ZNF385D: variants seen among roughly 807,000 people sequenced by gnomAD.
ZNF385D encodes the protein zinc finger protein 385D.
A neutral mutation model predicts 35.8 loss-of-function variants in ZNF385D; 15 were observed. The observed-to-expected ratio is 0.42, with a 90% CI of 0.28 to 0.64. The LOEUF is 0.64. ZNF385D is among the 30% of genes least tolerant of loss of function. ZNF385D has a pLI of 0.23. For synonymous variants in ZNF385D, 212 were observed against 186.8 expected (o/e 1.13, Z -1.10); for missense variants, 474 against 494.6 (o/e 0.96, Z 0.39).
intron 2 of ZNF385D, among the ~76,000 whole-genome samples, chr3:22,179,988 G>C (rs1325489524): frequency 6.6e-6 from 1 of 152,114 alleles, no homozygotes; most frequent in African/African-American, 2.4e-5. Flanking sequence ...AAAAATCAAT[G>C]AATCCAGGAG....
At chr3:21,438,077 C>T (rs534626599) in intron 4 of ZNF385D, among the ~76,000 whole-genome samples, 64 of 152,134 alleles carry the variant, frequency 4.2e-4, no homozygotes, top group Non-Finnish European at 7.5e-4. Flanking sequence ...AGATCAATCT[C>T]CAAAGTAAAA....
intron 2 of ZNF385D, among the ~76,000 whole-genome samples, chr3:22,228,199 G>T (rs542072002): frequency 1.3e-5 from 2 of 152,322 alleles, no homozygotes; most frequent in South Asian, 4.1e-4. Context: ...AACAGTCTGT[G>T]AGAGCTACTA....
At chr3:22,157,552 T>C (rs73047094) in intron 3 of ZNF385D, among the ~76,000 whole-genome samples, 24,665 of 152,106 alleles carry the variant, frequency 0.16, 2,581 homozygotes, top group Middle Eastern at 0.25. Context: ...TTATTAAGTA[T>C]TTGTTAAGGA....
chr3:22,329,310 A>C (rs1207473194), intron 2 of ZNF385D, among the ~76,000 whole-genome samples: 4 of 152,002 alleles, frequency 2.6e-5, no homozygotes, highest in African/African-American at 9.7e-5. Context: ...CAATATTTTT[A>C]GGTATATATT....
intron 3 of ZNF385D, among the ~76,000 whole-genome samples, chr3:21,832,315 C>T (rs1156505486): frequency 4.6e-5 from 7 of 152,046 alleles, no homozygotes; most frequent in Admixed American, 2.0e-4. Context: ...TGTCATCTGC[C>T]CGTTAAGTAT....
chr3:22,348,934 G>A (rs1695790422), intron 2 of ZNF385D, among the ~76,000 whole-genome samples: 1 of 152,180 alleles, frequency 6.6e-6, no homozygotes, highest in Admixed American at 6.5e-5. Context: ...GCCATTAAAT[G>A]GCATAATTAC....
intron 2 of ZNF385D, among the ~76,000 whole-genome samples, chr3:22,351,756 G>T (rs767554586): frequency 6.6e-6 from 1 of 152,106 alleles, no homozygotes; most frequent in African/African-American, 2.4e-5. Flanking sequence ...TCAAGTAATA[G>T]TACTATCATG....
At chr3:21,975,818 T>TAA (rs144901080) in intron 3 of ZNF385D, among the ~76,000 whole-genome samples, 1 of 141,240 alleles carries the variant, frequency 7.1e-6, no homozygotes, top group African/African-American at 2.6e-5. Flanking sequence ...CCCATGAAAA[T>TAA]AAAAAAAAAA....
chr3:21,910,574 A>G (rs1435901239), intron 3 of ZNF385D, among the ~76,000 whole-genome samples: 1 of 151,980 alleles, frequency 6.6e-6, no homozygotes, highest in Admixed American at 6.6e-5. Flanking sequence ...AAAGCCTTTG[A>G]AAGTTTAACG....
In ZNF385D at chr3:21,870,216, G is replaced by T. The variant is rs565121246; in HGVS notation, c.326-205188C>A. Among the ~76,000 whole-genome samples the T allele has an allele frequency of 6.4e-4, 98 of 152,246 alleles. 1 individual carries two copies. Among genetic ancestry groups the T allele is most frequent in the African/African-American group, 2.3e-3 (95 of 41,566 alleles). ...TGACCAATATCATAATTGTCAACAA[G>T]CATGGCTTGACTGTTTTAACCTGTT... On this transcript the variant is annotated intron_variant, in intron 3 of 5. Transcript: ENST00000494108.
intron 3 of ZNF385D, among the ~76,000 whole-genome samples, chr3:21,954,182 T>A (rs2336517): frequency 0.085 from 12,927 of 151,656 alleles, 1,790 homozygotes; most frequent in African/African-American, 0.29. Context: ...TGTTAATAAT[T>A]CTCTCTGTAC....
At chr3:21,704,028 C>T (rs1472447545) in intron 1 of ZNF385D, among the ~76,000 whole-genome samples, 1 of 152,204 alleles carries the variant, frequency 6.6e-6, no homozygotes, top group Non-Finnish European at 1.5e-5. Flanking sequence ...CCAACCACAA[C>T]CACTGAAAAG....
At chr3:21,693,872 CTTTTTTTTTCTTT>C in intron 1 of ZNF385D, among the ~76,000 whole-genome samples, 1 of 142,508 alleles carries the variant, frequency 7.0e-6, no homozygotes, top group African/African-American at 2.6e-5. Flanking sequence ...TTTAGAAAAT[CTTTTTTTTTCTTT>C]TTTTTTTTTT....
At chr3:21,701,301 AAAATGAG>A (rs1433504031) in intron 1 of ZNF385D, among the ~76,000 whole-genome samples, 6 of 276 alleles carry the variant, frequency 0.022, no homozygotes, top group African/African-American at 0.07. Flanking sequence ...TGGCAAGAGA[AAAATGAG>A]AAAATGAGGA....
chr3:21,908,157 T>TCTATCTACCTAC (rs1553696864), intron 3 of ZNF385D, among the ~76,000 whole-genome samples: 2 of 150,166 alleles, frequency 1.3e-5, no homozygotes, highest in Non-Finnish European at 3.0e-5. Context: ...TATCTATCTA[T>TCTATCTACCTAC]CTATCTATCT....
At chr3:21,622,434 G>A (rs1224252658) in intron 2 of ZNF385D, among the ~76,000 whole-genome samples, 4 of 152,060 alleles carry the variant, frequency 2.6e-5, no homozygotes, top group Non-Finnish European at 5.9e-5. Flanking sequence ...TCAAGTGATG[G>A]AATAAATTAA....
chr3:22,023,996 T>C (rs1359571521), intron 3 of ZNF385D, among the ~76,000 whole-genome samples: 1 of 152,158 alleles, frequency 6.6e-6, no homozygotes, highest in Non-Finnish European at 1.5e-5. Context: ...GGTATGTCTG[T>C]GAGGATGTTG....
chr3:21,522,216 C>G (rs146945415), intron 3 of ZNF385D, among the ~76,000 whole-genome samples: 1 of 152,156 alleles, frequency 6.6e-6, no homozygotes, highest in Non-Finnish European at 1.5e-5. Flanking sequence ...TGTGACCAAA[C>G]AGAACTCTGA....
chr3:22,108,455 G>C (rs558630698), intron 3 of ZNF385D, among the ~76,000 whole-genome samples: 4 of 152,002 alleles, frequency 2.6e-5, no homozygotes, highest in Admixed American at 6.6e-5. Flanking sequence ...GCTTCCTGAT[G>C]ACAGGGATTA....
Sources: gnomAD v4.1 joint callset for allele counts (sites outside exome capture counted in the v4.1 genomes callset) on GRCh38, gnomAD v4.1.1 for gene constraint, MANE v1.5 for transcripts, NCBI Gene and HGNC (gene_info 2026-07-23, HGNC 2026-07-21) for gene names.